Variants in CNTN5 observed in about 807,000 individuals in gnomAD.
CNTN5 encodes contactin-5.
Under a neutral mutation model 129.1 loss-of-function variants are expected in CNTN5, and 77 were observed. The ratio of observed to expected loss-of-function variants is 0.60; its 90% CI spans 0.50 to 0.72. The LOEUF is 0.72. Among genes scored for constraint, CNTN5 ranks in the 30% least tolerant of loss-of-function variants. The pLI is 0.00. For missense variants in CNTN5, 1,478 were observed against 1,328.8 expected (o/e 1.11, Z -1.75); for synonymous variants, 509 against 465.6 (o/e 1.09, Z -1.20).
chr11:100,011,183 T>G (rs1196172949), intron 9 of CNTN5, among the ~76,000 whole-genome samples: 2 of 152,128 alleles, frequency 1.3e-5, no homozygotes. Context: ...TCTTACCACA[T>G]TTACATTAGC....
At chr11:99,036,687 T>C (rs540873733) in intron 1 of CNTN5, among the ~76,000 whole-genome samples, 4 of 152,160 alleles carry the variant, frequency 2.6e-5, no homozygotes, top group African/African-American at 9.7e-5. Flanking sequence ...CTCCCACTAT[T>C]AGTGTATTAC....
intron 1 of CNTN5, among the ~76,000 whole-genome samples, chr11:99,106,747 T>C (rs150742849): frequency 5.9e-4 from 90 of 152,190 alleles, no homozygotes; most frequent in African/African-American, 2.1e-3. Context: ...TCAGTATTAC[T>C]AGAGAAATGG....
chr11:99,893,512 G>T (rs528043746), intron 6 of CNTN5, among the ~76,000 whole-genome samples: 263 of 152,216 alleles, frequency 1.7e-3, no homozygotes, highest in Non-Finnish European at 2.9e-3. Flanking sequence ...CCCACTAAAT[G>T]GCAGACAGGA....
intron 1 of CNTN5, among the ~76,000 whole-genome samples, chr11:99,030,826 G>C (rs1863339351): frequency 1.4e-5 from 2 of 145,012 alleles, no homozygotes; most frequent in East Asian, 4.3e-4. Context: ...TGTCGCCCAG[G>C]CTGGAGTGCA....
intron 13 of CNTN5, among the ~76,000 whole-genome samples, chr11:100,154,475 A>G (rs909381198): frequency 6.6e-6 from 1 of 152,154 alleles, no homozygotes; most frequent in Admixed American, 6.6e-5. Context: ...CAGTGCCACA[A>G]TAAACATACA....
intron 7 of CNTN5, among the ~76,000 whole-genome samples, chr11:99,954,978 A>T (rs2136163060): frequency 6.6e-6 from 1 of 152,294 alleles, no homozygotes; most frequent in African/African-American, 2.4e-5. Flanking sequence ...AATACAAAAC[A>T]TTAACTCAAC....
At chr11:99,051,143 C>T (rs546145674) in intron 1 of CNTN5, among the ~76,000 whole-genome samples, 12 of 152,042 alleles carry the variant, frequency 7.9e-5, no homozygotes, top group African/African-American at 2.9e-4. Flanking sequence ...ACTTCAACCA[C>T]ATTACTAGAA....
chr11:99,749,698 T>C (rs942562776), intron 3 of CNTN5, among the ~76,000 whole-genome samples: 1 of 152,210 alleles, frequency 6.6e-6, no homozygotes, highest in African/African-American at 2.4e-5. Flanking sequence ...TAGAATTTTC[T>C]CATGTGGGTT....
At chr11:99,258,040 C>A (rs1042487639) in intron 1 of CNTN5, among the ~76,000 whole-genome samples, 1 of 152,004 alleles carries the variant, frequency 6.6e-6, no homozygotes, top group South Asian at 2.1e-4. Context: ...CCTTTCTCCC[C>A]CTGAACACCT....
At chr11:99,816,962 T>G (rs566231111) in intron 3 of CNTN5, among the ~76,000 whole-genome samples, 243 of 152,296 alleles carry the variant, frequency 1.6e-3, no homozygotes, top group Non-Finnish European at 2.9e-3. Flanking sequence ...TAATGAACTT[T>G]CAGGACTCAG....
At chr11:99,924,441 A>G (rs2136047882) in intron 7 of CNTN5, among the ~76,000 whole-genome samples, 1 of 152,300 alleles carries the variant, frequency 6.6e-6, no homozygotes, top group East Asian at 1.9e-4. Flanking sequence ...ATAGGGATCC[A>G]ACTTAATTCT....
chr11:99,795,057 C>A (rs983292498), intron 3 of CNTN5, among the ~76,000 whole-genome samples: 12 of 152,176 alleles, frequency 7.9e-5, no homozygotes, highest in African/African-American at 2.9e-4. Context: ...TTAAGGGATG[C>A]CAGTGAATCA....
At chr11:99,717,682 G>A (rs1394963354) in intron 3 of CNTN5, among the ~76,000 whole-genome samples, 1 of 151,930 alleles carries the variant, frequency 6.6e-6, no homozygotes, top group African/African-American at 2.4e-5. Context: ...TCCATAATCT[G>A]TTTCAAAAAA....
Position 100,204,295 on chromosome 11 carries a change from CTAATATATATAT to C in CNTN5, c.1884+10633_1884+10644del, listed in dbSNP as rs1442661129. ...TAGCTCACCAAGAAACAAACATTGACTAATATATATATATATATATATATATATATATATATA... is the reference window on the plus strand; with the variant it reads ...TAGCTCACCAAGAAACAAACATTGACATATATATATATATATATATATATA... On this transcript the variant is annotated intron_variant, in intron 15 of 24. Transcript: ENST00000524871. 8.3e-4 allele frequency among the ~76,000 whole-genome samples: 23 copies of C among 27,708 alleles called. 2 individuals are homozygous for C. The highest frequency in any genetic ancestry group is 8.2e-3 in the East Asian group (6 of 728). 18.2% of individuals were successfully genotyped at this position (27,708 alleles called of 152,430 possible). A position where few individuals can be genotyped will look rare whatever the true frequency, so the allele number is the denominator to read the frequency against.
intron 2 of CNTN5, among the ~76,000 whole-genome samples, chr11:99,329,196 A>G (rs1165958223): frequency 6.6e-6 from 1 of 152,206 alleles, no homozygotes; most frequent in Non-Finnish European, 1.5e-5. Flanking sequence ...AAGAAAAATA[A>G]GGAATATATT....
chr11:100,347,332 C>T (rs1481625565), intron 23 of CNTN5, among the ~76,000 whole-genome samples: 1 of 151,996 alleles, frequency 6.6e-6, no homozygotes, highest in Non-Finnish European at 1.5e-5. Context: ...TTTTGTAGCT[C>T]CTCCTTCATC....
chr11:99,820,854 C>T (rs1946779580), intron 4 of CNTN5, among the ~76,000 whole-genome samples: 2 of 152,200 alleles, frequency 1.3e-5, no homozygotes, highest in South Asian at 2.1e-4. Context: ...TTCAAAGATA[C>T]ATCTCGAAGG....
At chr11:99,778,040 T>C (rs1413422764) in intron 3 of CNTN5, among the ~76,000 whole-genome samples, 1 of 151,900 alleles carries the variant, frequency 6.6e-6, no homozygotes, top group African/African-American at 2.4e-5. Flanking sequence ...TATAACCATA[T>C]ATGACTCCAT....
intron 13 of CNTN5, among the ~76,000 whole-genome samples, chr11:100,133,462 C>T (rs534925491): frequency 1.9e-4 from 29 of 152,092 alleles, no homozygotes; most frequent in Admixed American, 7.2e-4. Context: ...ATGAAAATGG[C>T]GTAGTAAAAA....
Sources: gnomAD v4.1 joint callset for allele counts (sites outside exome capture counted in the v4.1 genomes callset) on GRCh38, gnomAD v4.1.1 for gene constraint, MANE v1.5 for transcripts, NCBI Gene and HGNC (gene_info 2026-07-23, HGNC 2026-07-21) for gene names.